The following PLXNA4 variants were observed in gnomAD, a reference collection of about 807,000 sequenced individuals.
PLXNA4 encodes the protein plexin A4.
A neutral mutation model predicts 191.8 loss-of-function variants in PLXNA4; 44 were observed. The ratio of observed to expected loss-of-function variants is 0.23; its 90% CI spans 0.18 to 0.29. The LOEUF (loss-of-function observed/expected upper bound fraction) is 0.29, where lower values mean the gene tolerates loss of function less well. Among genes scored for constraint, PLXNA4 ranks in the 10% least tolerant of loss-of-function variants. The pLI is 1.00. For synonymous variants in PLXNA4, 1,082 were observed against 1,009.5 expected (o/e 1.07, Z -1.36); for missense variants, 1,800 against 2,488.8 (o/e 0.72, Z 5.89).
In PLXNA4 at chr7:132,528,881, C is replaced by T. The variant is rs76167851; in HGVS notation, c.-86-20102G>A. Among the ~76,000 whole-genome samples the T allele has an allele frequency of 3.2e-3, 486 of 152,304 alleles. 5 individuals carry two copies. Among genetic ancestry groups the T allele is most frequent in the African/African-American group, 0.011 (457 of 41,542 alleles). ...TTATGGTTCACACTATTACTGGGTC[C>T]TACCAGAAGGCGAAAGCATCTCACT... On this transcript the variant is annotated intron_variant, in intron 1 of 31. Coordinates refer to ENST00000321063, the MANE Select transcript of PLXNA4 (RefSeq NM_020911.2).
rs149583569 is a variant in PLXNA4, at chr7:132,568,094, G to A, written c.-87+8328C>T. Among the ~76,000 whole-genome samples the A allele has an allele frequency of 4.6e-5, 7 of 152,290 alleles. No individual in the cohort carries two copies. In the East Asian group the frequency reaches 5.8e-4, roughly 13 times the overall value. On this transcript the variant is annotated intron_variant, in intron 1 of 31. Coordinates refer to ENST00000321063, the MANE Select transcript of PLXNA4 (RefSeq NM_020911.2). ...TCAAAGCACAAGAGTAGTAAAAAAC[G>A]TTGATGAGGGGCAGGACTAGCTAGA...
intron 3 of PLXNA4, among the ~76,000 whole-genome samples, chr7:132,307,264 T>C (rs1801560259): frequency 6.6e-6 from 1 of 152,144 alleles, no homozygotes; most frequent in African/African-American, 2.4e-5. Context: ...CTCCCCTGGA[T>C]TTCCAATCCC....
chr7:132,503,820 C>A (rs540039056), intron 2 of PLXNA4, among the ~76,000 whole-genome samples: 2 of 152,210 alleles, frequency 1.3e-5, no homozygotes, highest in Non-Finnish European at 2.9e-5. Flanking sequence ...TAGGACCCCC[C>A]CTCATACCCA....
chr7:132,591,444 G>A (rs533066484), intron 2 of PLXNA4, among the ~76,000 whole-genome samples: 115 of 152,266 alleles, frequency 7.6e-4, no homozygotes, highest in African/African-American at 7.9e-4. Context: ...GTCTGCCCAC[G>A]ACTCCACAAG....
chr7:132,331,049 G>C (rs1802571482), intron 3 of PLXNA4, among the ~76,000 whole-genome samples: 1 of 152,096 alleles, frequency 6.6e-6, no homozygotes, highest in African/African-American at 2.4e-5. Flanking sequence ...GGGTGGGATG[G>C]GACAGTGGGG....
At chr7:132,605,775 A>C (rs1802912988) in intron 2 of PLXNA4, among the ~76,000 whole-genome samples, 1 of 152,156 alleles carries the variant, frequency 6.6e-6, no homozygotes, top group African/African-American at 2.4e-5. Context: ...ACCCTAATCC[A>C]ATATGGTTAG....
intron 3 of PLXNA4, among the ~76,000 whole-genome samples, chr7:132,327,169 C>CAAAA (rs60359571): frequency 1.6e-5 from 2 of 124,498 alleles, no homozygotes; most frequent in African/African-American, 5.7e-5. Context: ...AAAAGGAAGG[C>CAAAA]AAAAAAAAAA....
intron 3 of PLXNA4, among the ~76,000 whole-genome samples, chr7:132,321,813 G>T (rs1001585042): frequency 6.6e-6 from 1 of 152,116 alleles, no homozygotes; most frequent in Non-Finnish European, 1.5e-5. Context: ...GCCTGTATGC[G>T]GGTGGCCACC....
chr7:132,143,901 T>C (rs1021098354), intron 29 of PLXNA4, among the ~76,000 whole-genome samples: 23 of 152,238 alleles, frequency 1.5e-4, no homozygotes, highest in Non-Finnish European at 3.1e-4. Flanking sequence ...TTCTGTGGTC[T>C]CAACCTTGGT....
At chr7:132,365,817 T>G (rs1804157305) in intron 3 of PLXNA4, 1 of 152,204 alleles carries the variant, frequency 6.6e-6, no homozygotes, top group Admixed American at 6.5e-5. Flanking sequence ...AAGCACATTG[T>G]GAAGAGGAAA....
At chr7:132,499,365 T>G (rs989492707) in intron 2 of PLXNA4, among the ~76,000 whole-genome samples, 1 of 152,226 alleles carries the variant, frequency 6.6e-6, no homozygotes, top group East Asian at 1.9e-4. Context: ...TGGGGGCTGG[T>G]TTAGCAACCA....
intron 5 of PLXNA4, among the ~76,000 whole-genome samples, chr7:132,235,072 C>T (rs1275804637): frequency 2.0e-5 from 3 of 152,192 alleles, no homozygotes; most frequent in Non-Finnish European, 4.4e-5. Context: ...TGAAGCCTTC[C>T]AAGGGGAGGA....
chr7:132,256,556 A>G (rs1799438338), intron 4 of PLXNA4, among the ~76,000 whole-genome samples: 1 of 152,178 alleles, frequency 6.6e-6, no homozygotes, highest in Admixed American at 6.5e-5. Context: ...GAGGAGGGAA[A>G]GGCAGGAATT....
intron 16 of PLXNA4, among the ~76,000 whole-genome samples, chr7:132,183,898 C>T (rs1375162055): frequency 1.3e-5 from 2 of 152,206 alleles, no homozygotes; most frequent in African/African-American, 4.8e-5. Context: ...GTAGGCTTTA[C>T]AGGCCATATG....
intron 3 of PLXNA4, among the ~76,000 whole-genome samples, chr7:132,309,298 C>G (rs1440133810): frequency 6.6e-6 from 1 of 152,172 alleles, no homozygotes; most frequent in Non-Finnish European, 1.5e-5. Flanking sequence ...GATGCGGCAT[C>G]TCTGAGGACC....
At chr7:132,383,403 T>C (rs1181341997) in intron 3 of PLXNA4, 1 of 321,066 alleles carries the variant, frequency 3.1e-6, no homozygotes. Context: ...AAATGCTCAT[T>C]AAAGAAAATT....
chr7:132,128,814 C>T lies in PLXNA4; in HGVS notation c.*1665G>A, dbSNP rs1341879819. The T allele has an allele frequency of 2.0e-5, 3 of 152,190 alleles. No individual in the cohort carries two copies. The highest frequency in any genetic ancestry group is 3.9e-4 in the East Asian group (2 of 5,190). 9.4% of individuals were successfully genotyped at this position (152,190 alleles called of 1,614,324 possible). A position where few individuals can be genotyped will look rare whatever the true frequency, so the allele number is the denominator to read the frequency against. On this transcript the variant is annotated 3_prime_UTR_variant, in exon 32 of 32. Transcript: ENST00000321063. ...TGAAGGCAAGACTGTGAATCCTTCT[C>T]CTCAACCTCACCTAAGATGTTTCTC...
At chr7:132,131,742 A>T (rs1036785563) in intron 31 of PLXNA4, among the ~76,000 whole-genome samples, 1 of 152,248 alleles carries the variant, frequency 6.6e-6, no homozygotes, top group Non-Finnish European at 1.5e-5. Context: ...ACACTGGTGC[A>T]CACTATAGCA....
intron 2 of PLXNA4, among the ~76,000 whole-genome samples, chr7:132,631,127 T>G (rs1213532116): frequency 2.6e-5 from 4 of 152,256 alleles, no homozygotes; most frequent in Non-Finnish European, 5.9e-5. Context: ...TTTTTAAATA[T>G]ATGCAGATTT....
Sources: gnomAD v4.1 joint callset for allele counts (sites outside exome capture counted in the v4.1 genomes callset) on GRCh38, gnomAD v4.1.1 for gene constraint, MANE v1.5 for transcripts, NCBI Gene and HGNC (gene_info 2026-07-23, HGNC 2026-07-21) for gene names.